GFRA2: variants seen among roughly 807,000 people sequenced by gnomAD.
GFRA2 encodes GDNF family receptor alpha 2.
GFRA2 carries 17 observed loss-of-function variants against 48.3 expected under a neutral mutation model. The ratio of observed to expected loss-of-function variants is 0.35; its 90% CI spans 0.24 to 0.53. The LOEUF is 0.53. Among genes scored for constraint, GFRA2 ranks in the 20% least tolerant of loss-of-function variants. The probability of loss-of-function intolerance (pLI) is 0.93; values close to 1 mark genes in which losing one functional copy is unlikely to be tolerated. For synonymous variants in GFRA2, 305 were observed against 257.2 expected (o/e 1.19, Z -1.78); for missense variants, 660 against 637.3 (o/e 1.04, Z -0.38).
intron 1 of GFRA2, among the ~76,000 whole-genome samples, chr8:21,807,008 G>C (rs572832270): frequency 2.0e-5 from 3 of 152,044 alleles, no homozygotes; most frequent in African/African-American, 7.2e-5. Context: ...ATTCATCCTT[G>C]TATCTCTTGT....
At chr8:21,766,478 A>C (rs921166175) in intron 3 of GFRA2, among the ~76,000 whole-genome samples, 5 of 151,804 alleles carry the variant, frequency 3.3e-5, no homozygotes, top group African/African-American at 1.2e-4. Flanking sequence ...TCTGGGGATA[A>C]ATTCACACAC....
At chr8:21,773,131 G>A (rs1344601152) in intron 3 of GFRA2, among the ~76,000 whole-genome samples, 1 of 152,236 alleles carries the variant, frequency 6.6e-6, no homozygotes, top group Non-Finnish European at 1.5e-5. Flanking sequence ...AAACTCATCA[G>A]GAAATGTGAG....
upstream of GFRA2, among the ~76,000 whole-genome samples, chr8:21,791,652 G>A (rs371933994): frequency 1.3e-5 from 2 of 152,054 alleles, no homozygotes; most frequent in Non-Finnish European, 2.9e-5. Flanking sequence ...CTATAAAATG[G>A]GGATTAAAAA....
intron 7 of GFRA2, among the ~76,000 whole-genome samples, chr8:21,699,297 G>T (rs889119062): frequency 6.6e-6 from 1 of 152,226 alleles, no homozygotes; most frequent in Non-Finnish European, 1.5e-5. Flanking sequence ...AGAGGTGGCC[G>T]CTGGCTGCAG....
At chr8:21,694,365 G>A (rs529825843) in intron 8 of GFRA2, 99 bp downstream of exon 8, 101 of 1,159,186 alleles carry the variant, frequency 8.7e-5, no homozygotes, top group East Asian at 8.4e-4. Context: ...CAGCCCATGC[G>A]ATGAGATTTG....
chr8:21,802,909 A>G (rs1017516328), intron 2 of GFRA2, among the ~76,000 whole-genome samples: 5 of 152,230 alleles, frequency 3.3e-5, no homozygotes, highest in Non-Finnish European at 5.9e-5. Context: ...ATCCAAAAAG[A>G]TGATGGGTGT....
intron 2 of GFRA2, among the ~76,000 whole-genome samples, chr8:21,775,644 C>T (rs1270298797): frequency 6.6e-6 from 1 of 152,152 alleles, no homozygotes; most frequent in Admixed American, 6.5e-5. Flanking sequence ...TTCCTCTTTG[C>T]CCCCCATCGT....
chr8:21,694,543 G>C, intron 7 of GFRA2, 26 bp from the exon 8 acceptor site: 1 of 1,602,734 alleles, frequency 6.2e-7, no homozygotes, highest in Middle Eastern at 1.7e-4. Context: ...TGCCAGTCAG[G>C]ACGAGTCACC....
intron 7 of GFRA2, 33 bp downstream of exon 7, chr8:21,702,772 T>G: frequency 6.5e-7 from 1 of 1,544,890 alleles, no homozygotes; most frequent in Non-Finnish European, 8.7e-7. Context: ...GGTGCCATGG[T>G]GCTCCCCCCA....
intron 4 of GFRA2, among the ~76,000 whole-genome samples, chr8:21,734,566 C>A (rs1230618052): frequency 6.6e-6 from 1 of 152,208 alleles, no homozygotes; most frequent in Non-Finnish European, 1.5e-5. Flanking sequence ...CATAATGAAA[C>A]TAAAGGTCAA....
At chr8:21,811,306 TGA>T (rs992635342) in intron 1 of GFRA2, among the ~76,000 whole-genome samples, 1 of 152,126 alleles carries the variant, frequency 6.6e-6, no homozygotes, top group African/African-American at 2.4e-5. Flanking sequence ...GGACTGAGAT[TGA>T]GAGGCAGTGT....
intron 4 of GFRA2, among the ~76,000 whole-genome samples, chr8:21,706,987 C>T (rs1802782042): frequency 6.6e-6 from 1 of 152,054 alleles, no homozygotes; most frequent in South Asian, 2.1e-4. Flanking sequence ...GGATGCTCCC[C>T]CTCTGCCATG....
chr8:21,771,084 C>T (rs1468472471), intron 3 of GFRA2, among the ~76,000 whole-genome samples: 1 of 152,124 alleles, frequency 6.6e-6, no homozygotes, highest in South Asian at 2.1e-4. Flanking sequence ...TGGCTCAGTC[C>T]CTGATGCGCC....
intron 3 of GFRA2, among the ~76,000 whole-genome samples, chr8:21,753,641 A>C (rs1363228708): frequency 1.3e-5 from 2 of 152,188 alleles, no homozygotes; most frequent in African/African-American, 4.8e-5. Context: ...AAAAAGAAAG[A>C]AAAGAAAAAA....
At chr8:21,805,166 G>A (rs2117118451) in intron 1 of GFRA2, 1 of 152,306 alleles carries the variant, frequency 6.6e-6, no homozygotes, top group Non-Finnish European at 1.5e-5. Context: ...CTCATAAAAA[G>A]AAATCACAAT....
At chr8:21,734,922 CAG>C (rs1159553287) in intron 4 of GFRA2, among the ~76,000 whole-genome samples, 1 of 152,236 alleles carries the variant, frequency 6.6e-6, no homozygotes, top group Non-Finnish European at 1.5e-5. Context: ...CCATTCTATT[CAG>C]AGTCATCCCT....
chr8:21,804,975 C>G (rs1034539649), intron 2 of GFRA2: 2 of 152,268 alleles, frequency 1.3e-5, no homozygotes, highest in Admixed American at 1.3e-4. Flanking sequence ...AGCCTTCACT[C>G]AAGGCATGCC....
intron 3 of GFRA2, among the ~76,000 whole-genome samples, chr8:21,757,654 C>T (rs142605013): frequency 1.3e-5 from 2 of 152,264 alleles, no homozygotes; most frequent in Non-Finnish European, 2.9e-5. Context: ...TGCCACCACA[C>T]TCAGCTAATT....
chr8:21,769,671 AC>A (rs1806353384), intron 3 of GFRA2, among the ~76,000 whole-genome samples: 1 of 152,200 alleles, frequency 6.6e-6, no homozygotes, highest in Non-Finnish European at 1.5e-5. Context: ...AGTGTCACAC[AC>A]ACACGCAGAG....
Sources: allele counts gnomAD v4.1 joint callset (sites outside exome capture counted in the v4.1 genomes callset), GRCh38; gene constraint gnomAD v4.1.1; transcripts MANE v1.5; gene names NCBI Gene and HGNC (gene_info 2026-07-23, HGNC 2026-07-21).